OPCML: variants seen among roughly 807,000 people sequenced by gnomAD.
OPCML encodes opioid binding protein/cell adhesion molecule like.
A neutral mutation model predicts 37.8 loss-of-function variants in OPCML; 13 were observed. The ratio of observed to expected loss-of-function variants is 0.34; its 90% CI spans 0.22 to 0.55. The LOEUF (loss-of-function observed/expected upper bound fraction) is 0.55, where lower values mean the gene tolerates loss of function less well. Ranked by LOEUF, OPCML falls within the 20% of genes least tolerant of loss-of-function variation. The probability of loss-of-function intolerance (pLI) is 0.91; values close to 1 mark genes in which losing one functional copy is unlikely to be tolerated. For missense variants in OPCML, 341 were observed against 435.6 expected (o/e 0.78, Z 1.93); for synonymous variants, 176 against 168.8 (o/e 1.04, Z -0.33).
chr11:132,965,722 G>A (rs1946199241), intron 1 of OPCML, among the ~76,000 whole-genome samples: 2 of 152,030 alleles, frequency 1.3e-5, no homozygotes, highest in Non-Finnish European at 1.5e-5. Context: ...TAGTAGAGAG[G>A]GGGTTTCACT....
chr11:133,058,412 C>CG (rs1948279009), intron 1 of OPCML, among the ~76,000 whole-genome samples: 1 of 152,164 alleles, frequency 6.6e-6, no homozygotes, highest in South Asian at 2.1e-4. Context: ...CGGGGGCACG[C>CG]GGGGTGCATC....
At chr11:133,479,265 C>A (rs1947321869) in intron 1 of OPCML, among the ~76,000 whole-genome samples, 1 of 152,176 alleles carries the variant, frequency 6.6e-6, no homozygotes, top group Admixed American at 6.5e-5. Flanking sequence ...GCATTTTCCA[C>A]AAGCATTCCC....
chr11:132,924,127 A>ATGTG (rs10686395), intron 2 of OPCML, among the ~76,000 whole-genome samples: 34,285 of 149,694 alleles, frequency 0.23, 4,336 homozygotes, highest in Non-Finnish European at 0.3. Flanking sequence ...AAAAAAAACT[A>ATGTG]TGTGTGTGTG....
At chr11:133,132,991 TG>T (rs1341909185) in intron 1 of OPCML, among the ~76,000 whole-genome samples, 1 of 152,146 alleles carries the variant, frequency 6.6e-6, no homozygotes, top group Non-Finnish European at 1.5e-5. Flanking sequence ...GGAAGCTCTG[TG>T]AGGGCTTAGA....
rs117380004 is a variant in OPCML, at chr11:132,733,088, T to C, written c.147-75769A>G. On this transcript the variant is annotated intron_variant, in intron 2 of 7. Coordinates refer to ENST00000524381, the MANE Select transcript of OPCML (RefSeq NM_001012393.5). ...ACATTATCTCAATGATATGTTTTAC[T>C]TTATTATTACAAACACACAAAAAGA... Among the ~76,000 whole-genome samples the C allele has an allele frequency of 8.8e-3, 1,340 of 152,340 alleles. 10 individuals carry two copies. Among genetic ancestry groups the C allele is most frequent in the South Asian group, 0.017 (80 of 4,822 alleles).
At chr11:133,289,505 G>A (rs1299216196) in intron 1 of OPCML, among the ~76,000 whole-genome samples, 2 of 146,188 alleles carry the variant, frequency 1.4e-5, no homozygotes, top group Non-Finnish European at 3.0e-5. Context: ...TGAGGCAGGA[G>A]AATGGCGTGA....
intron 3 of OPCML, among the ~76,000 whole-genome samples, chr11:132,628,692 T>C (rs1939893992): frequency 1.3e-5 from 2 of 152,038 alleles, no homozygotes; most frequent in African/African-American, 2.4e-5. Context: ...CCAAATCTCA[T>C]CTTGAATTGT....
At chr11:132,676,054 C>A (rs913350424) in intron 2 of OPCML, among the ~76,000 whole-genome samples, 2 of 152,106 alleles carry the variant, frequency 1.3e-5, no homozygotes, top group Non-Finnish European at 2.9e-5. Context: ...TAAAAAGCTA[C>A]AGCAATTAAG....
intron 1 of OPCML, among the ~76,000 whole-genome samples, chr11:133,368,190 A>C (rs1944590574): frequency 6.9e-6 from 1 of 145,178 alleles, no homozygotes; most frequent in Non-Finnish European, 1.5e-5. Flanking sequence ...AGGGAGGGGG[A>C]GAGGGAAAGG....
At chr11:132,729,381 A>T (rs1221915439) in intron 2 of OPCML, among the ~76,000 whole-genome samples, 4 of 143,614 alleles carry the variant, frequency 2.8e-5, no homozygotes, top group African/African-American at 1.1e-4. Flanking sequence ...ACACACCCAT[A>T]TTATAGATTT....
intron 1 of OPCML, among the ~76,000 whole-genome samples, chr11:133,099,251 G>A (rs963507787): frequency 8.6e-5 from 13 of 151,406 alleles, no homozygotes; most frequent in African/African-American, 2.9e-4. Flanking sequence ...GCCAACATCT[G>A]TTAGTTTTTT....
intron 7 of OPCML, among the ~76,000 whole-genome samples, chr11:132,427,729 C>T (rs1295908114): frequency 6.6e-6 from 1 of 152,234 alleles, no homozygotes; most frequent in Non-Finnish European, 1.5e-5. Flanking sequence ...TGTGTCTGTG[C>T]TGACATCAGC....
At chr11:133,100,880 A>G (rs1949075271) in intron 1 of OPCML, among the ~76,000 whole-genome samples, 1 of 152,224 alleles carries the variant, frequency 6.6e-6, no homozygotes, top group Admixed American at 6.5e-5. Flanking sequence ...AACAAAGGAG[A>G]AGCCTAGATG....
At chr11:133,356,915 A>G (rs568875913) in intron 1 of OPCML, among the ~76,000 whole-genome samples, 1 of 152,210 alleles carries the variant, frequency 6.6e-6, no homozygotes, top group Non-Finnish European at 1.5e-5. Context: ...AGGAATCAAG[A>G]CAAACTTCCT....
chr11:132,989,009 T>G (rs764045240), intron 1 of OPCML, among the ~76,000 whole-genome samples: 8 of 152,166 alleles, frequency 5.3e-5, no homozygotes, highest in South Asian at 2.1e-4. Context: ...CAAACTCCAT[T>G]GGCAAAAATT....
chr11:132,879,725 T>G (rs1270046140), intron 2 of OPCML, among the ~76,000 whole-genome samples: 2 of 152,212 alleles, frequency 1.3e-5, no homozygotes, highest in Non-Finnish European at 2.9e-5. Context: ...CATAATGAAT[T>G]ATCTATAAGA....
chr11:132,457,553 C>T (rs1331129090), intron 4 of OPCML, among the ~76,000 whole-genome samples: 1 of 152,100 alleles, frequency 6.6e-6, no homozygotes, highest in Admixed American at 6.5e-5. Context: ...AAGAGATAAC[C>T]AAACAAATAC....
At chr11:132,532,504 C>T (rs2096328514) in intron 3 of OPCML, among the ~76,000 whole-genome samples, 2 of 152,086 alleles carry the variant, frequency 1.3e-5, no homozygotes, top group Non-Finnish European at 1.5e-5. Flanking sequence ...TAAATATTCT[C>T]ACTATTAATA....
chr11:133,528,978 C>T (rs75060441), intron 1 of OPCML, among the ~76,000 whole-genome samples: 8,118 of 152,262 alleles, frequency 0.053, 697 homozygotes, highest in African/African-American at 0.19. Flanking sequence ...ACTTGGGCAG[C>T]ACTGTGCCTC....
Sources: gnomAD v4.1 joint callset for allele counts (sites outside exome capture counted in the v4.1 genomes callset) on GRCh38, gnomAD v4.1.1 for gene constraint, MANE v1.5 for transcripts, NCBI Gene and HGNC (gene_info 2026-07-23, HGNC 2026-07-21) for gene names.